Variants in PHACTR1 observed in about 807,000 individuals in gnomAD.
PHACTR1 encodes the protein phosphatase and actin regulator 1.
A neutral mutation model predicts 69.2 loss-of-function variants in PHACTR1; 16 were observed. That is an observed-to-expected ratio of 0.23 (90% confidence interval 0.16 to 0.35). The LOEUF (loss-of-function observed/expected upper bound fraction) is 0.35. Among genes scored for constraint, PHACTR1 ranks in the 10% least tolerant of loss-of-function variants. The pLI is 1.00. For synonymous variants in PHACTR1, 312 were observed against 284.5 expected, an observed-to-expected ratio of 1.10 and a Z score of -0.97; for missense variants, 510 against 734.7, an observed-to-expected ratio of 0.69 and a Z score of 3.54.
intron 5 of PHACTR1, among the ~76,000 whole-genome samples, chr6:13,146,852 A>G (rs1249884993): frequency 6.6e-6 from 1 of 151,936 alleles, no homozygotes; most frequent in Non-Finnish European, 1.5e-5. Flanking sequence ...TCCTGGGGGG[A>G]GTGTTAAAGG....
intron 10 of PHACTR1, among the ~76,000 whole-genome samples, chr6:13,233,192 A>G (rs1771496210): frequency 6.6e-6 from 1 of 152,198 alleles, no homozygotes; most frequent in Non-Finnish European, 1.5e-5. Context: ...CATATCCACA[A>G]GCCACCACCA....
intron 4 of PHACTR1, among the ~76,000 whole-genome samples, chr6:12,986,543 T>C (rs1199549342): frequency 1.3e-5 from 2 of 152,294 alleles, no homozygotes; most frequent in Admixed American, 1.3e-4. Flanking sequence ...CAGTGTTTGT[T>C]TGATGCCAGT....
intron 12 of PHACTR1, chr6:13,281,597 G>A: frequency 5.7e-6 from 1 of 176,728 alleles, no homozygotes; most frequent in Non-Finnish European, 1.2e-5. Flanking sequence ...ACTTTGTCTG[G>A]CCCCTTGAGG....
At chr6:12,982,798 C>T (rs1453538322) in intron 4 of PHACTR1, among the ~76,000 whole-genome samples, 1 of 152,174 alleles carries the variant, frequency 6.6e-6, no homozygotes, top group Non-Finnish European at 1.5e-5. Flanking sequence ...ACTTTTAGAG[C>T]CTCTGTTTGC....
intron 5 of PHACTR1, among the ~76,000 whole-genome samples, chr6:13,062,912 G>C (rs754797314): frequency 6.6e-6 from 1 of 152,190 alleles, no homozygotes; most frequent in Non-Finnish European, 1.5e-5. Context: ...TTAAAGCAAA[G>C]AGACAAAATT....
intron 8 of PHACTR1, among the ~76,000 whole-genome samples, chr6:13,219,409 A>G (rs967284305): frequency 1.3e-5 from 2 of 152,156 alleles, no homozygotes; most frequent in African/African-American, 4.8e-5. Flanking sequence ...GCACTGAAGA[A>G]CCATCATGCA....
In PHACTR1 at chr6:13,084,303, C is replaced by T. The variant is rs534757943; in HGVS notation, c.415+30774C>T. ...AAAACCAACACCGCATGTTCTCACT[C>T]ATAGGTGGGAATTGAACAATGAGAA... On this transcript the variant is annotated intron_variant, in intron 5 of 14. Coordinates refer to ENST00000332995, the MANE Select transcript of PHACTR1 (RefSeq NM_030948.6). Among the ~76,000 whole-genome samples the T allele has an allele frequency of 4.0e-4, 57 of 140,962 alleles. No homozygotes were observed. The South Asian group carries it at 0.01, about 26-fold the overall frequency. The allele number at this position is 140,962 out of a possible 152,430, so 92.5% of individuals were successfully genotyped here.
In PHACTR1 at chr6:12,819,071, T is replaced by C. The variant is rs11966274; in HGVS notation, c.250+69281T>C. ...AGTCAAAGCATTGACTTATGGTGACTTGAAAACCATGAACACTGGGCATTC... is the reference window on the plus strand; with the variant it reads ...AGTCAAAGCATTGACTTATGGTGACCTGAAAACCATGAACACTGGGCATTC... On this transcript the variant is annotated intron_variant, in intron 4 of 14. Coordinates refer to ENST00000332995, the MANE Select transcript of PHACTR1 (RefSeq NM_030948.6). Among the ~76,000 whole-genome samples the C allele has an allele frequency of 6.8e-3, 1,043 of 152,316 alleles. 17 individuals carry two copies. Among genetic ancestry groups the C allele is most frequent in the African/African-American group, 0.024 (992 of 41,564 alleles).
intron 7 of PHACTR1, among the ~76,000 whole-genome samples, chr6:13,199,872 G>T (rs1297802860): frequency 6.6e-6 from 1 of 152,170 alleles, no homozygotes; most frequent in Non-Finnish European, 1.5e-5. Context: ...TCAATTGGAA[G>T]TGCCATTAGA....
At chr6:13,119,892 G>C (rs1400852746) in intron 5 of PHACTR1, among the ~76,000 whole-genome samples, 1 of 152,192 alleles carries the variant, frequency 6.6e-6, no homozygotes, top group East Asian at 1.9e-4. Context: ...TGAGTGGTAA[G>C]AGCGTGTGCC....
chr6:12,784,247 T>G (rs1771208241), intron 4 of PHACTR1, among the ~76,000 whole-genome samples: 1 of 151,906 alleles, frequency 6.6e-6, no homozygotes, highest in Non-Finnish European at 1.5e-5. Flanking sequence ...CTCATACATA[T>G]ATATCTTTAC....
intron 3 of PHACTR1, among the ~76,000 whole-genome samples, chr6:12,723,746 CA>C (rs1403284544): frequency 6.6e-6 from 1 of 152,076 alleles, no homozygotes; most frequent in Admixed American, 6.5e-5. Flanking sequence ...CTCAGCCTCC[CA>C]AAATGCTGGG....
intron 5 of PHACTR1, among the ~76,000 whole-genome samples, chr6:13,083,450 A>T (rs1811744844): frequency 6.6e-6 from 1 of 151,840 alleles, no homozygotes; most frequent in South Asian, 2.1e-4. Context: ...TTCCATATGA[A>T]CTTTAAAGTA....
At position 12,742,204 on chromosome 6, in the gene PHACTR1, C is replaced by T. The variant is rs189816244; in HGVS notation, c.104-7440C>T. Among the ~76,000 whole-genome samples the T allele has an allele frequency of 1.2e-3, 190 of 152,258 alleles. 1 individual carries two copies. The highest frequency in any genetic ancestry group is 7.9e-3 in the South Asian group (38 of 4,812). ...ACTCAGCTGCTTATACTTACTGTTA[C>T]TTCTTGATTATATGCTAAACAAAGG... On this transcript the variant is annotated intron_variant, in intron 3 of 14. Transcript: ENST00000332995.
At chr6:12,773,536 C>T (rs1223420519) in intron 4 of PHACTR1, among the ~76,000 whole-genome samples, 1 of 152,116 alleles carries the variant, frequency 6.6e-6, no homozygotes, top group Non-Finnish European at 1.5e-5. Flanking sequence ...TTAAGTCATA[C>T]TTGAAAAACA....
At chr6:13,280,948 G>A (rs1276484975) in intron 12 of PHACTR1, 1 of 1,288,612 alleles carries the variant, frequency 7.8e-7, no homozygotes, top group South Asian at 1.2e-5. Flanking sequence ...GGAGCGTCCT[G>A]GTGGCCGTTT....
chr6:13,137,755 A>G (rs1821779317), intron 5 of PHACTR1, among the ~76,000 whole-genome samples: 1 of 152,250 alleles, frequency 6.6e-6, no homozygotes, highest in South Asian at 2.1e-4. Flanking sequence ...CAGAAATACA[A>G]AACTGAGAGG....
chr6:13,153,432 C>T (rs1757737616), intron 5 of PHACTR1, among the ~76,000 whole-genome samples: 1 of 152,182 alleles, frequency 6.6e-6, no homozygotes, highest in African/African-American at 2.4e-5. Flanking sequence ...TATGCGAAAT[C>T]TCTTTTTTTA....
intron 6 of PHACTR1, among the ~76,000 whole-genome samples, chr6:13,173,897 CG>C (rs1453225081): frequency 6.6e-6 from 1 of 152,088 alleles, no homozygotes; most frequent in Non-Finnish European, 1.5e-5. Flanking sequence ...TTTGTAGAGA[CG>C]GGTTTTCACC....
Sources: gnomAD v4.1 joint callset for allele counts (sites outside exome capture counted in the v4.1 genomes callset) on GRCh38, gnomAD v4.1.1 for gene constraint, MANE v1.5 for transcripts, NCBI Gene and HGNC (gene_info 2026-07-23, HGNC 2026-07-21) for gene names.